Variants in GET3 observed in about 807,000 individuals in gnomAD.
GET3 encodes guided entry of tail-anchored proteins factor 3, ATPase, also known as ATPase GET3.
A neutral mutation model predicts 32.4 loss-of-function variants in GET3; 15 were observed. That is an observed-to-expected ratio of 0.46 (90% CI 0.31 to 0.71). GET3 has a LOEUF of 0.71. Among genes scored for constraint, GET3 ranks in the 30% least tolerant of loss-of-function variants. The pLI, the probability that GET3 is intolerant of heterozygous loss-of-function variation, is 0.05. For synonymous variants in GET3, 198 were observed against 185.6 expected, an observed-to-expected ratio of 1.07 and a Z score of -0.54; for missense variants, 333 against 459.0, an observed-to-expected ratio of 0.73 and a Z score of 2.51.
In GET3 at chr19:12,745,087, G is replaced by C. The variant is rs1040804670; in HGVS notation, c.310-290G>C. ...GTTGCAAGTGGCAGGTTGCAAGTGG[G>C]GAGTAGCAGTGTAAATGGCCCGCAG... On this transcript the variant is annotated intron_variant, in intron 2 of 6. Coordinates refer to ENST00000357332, the MANE Select transcript of GET3 (RefSeq NM_004317.4). The surrounding 1 kb of genome is among the most constrained non-coding windows in gnomAD (Gnocchi z 5.0). Among the ~76,000 whole-genome samples, 6 of 152,090 alleles carry C rather than the reference G, an allele frequency of 3.9e-5. No individual in the cohort carries two copies. The highest frequency in any genetic ancestry group is 8.8e-5 in the Non-Finnish European group (6 of 67,990).
In GET3 at chr19:12,747,761, C is replaced by T. The variant is rs576888443; in HGVS notation, c.915+169C>T. The stretch of plus-strand genomic sequence containing the variant: ...CATAGAGGACTGTGGCTGGCCTGGC[C>T]TAGGTCCCTGTGACCCTGGAGAGCA... On this transcript the variant is annotated intron_variant, in intron 6 of 6. Coordinates refer to ENST00000357332, the MANE Select transcript of GET3 (RefSeq NM_004317.4). The surrounding 1 kb of genome is among the most constrained non-coding windows in gnomAD (Gnocchi z 4.0). 1.3e-5 allele frequency among the ~76,000 whole-genome samples: 2 copies of T among 152,186 alleles called. No individual in the cohort carries two copies. The highest frequency in any genetic ancestry group is 4.8e-5 in the African/African-American group (2 of 41,430).
At chr19:12,744,273 A>C (rs1568349184) in intron 2 of GET3, among the ~76,000 whole-genome samples, 1 of 149,986 alleles carries the variant, frequency 6.7e-6, no homozygotes, top group Non-Finnish European at 1.5e-5. Flanking sequence ...CAGGGACCCC[A>C]GCCATGGCCA....
intron 2 of GET3, among the ~76,000 whole-genome samples, chr19:12,740,964 T>C (rs532118537): frequency 3.3e-5 from 5 of 152,174 alleles, no homozygotes; most frequent in South Asian, 2.1e-4. Flanking sequence ...TAAACACTTA[T>C]TAAGGTAGCA....
chr19:12,745,288 G>T lies in GET3; in HGVS notation c.310-89G>T. ...CAGGCTCCCTCTGGCCCTGTGCCCGGGTAGGAAGGCTCCCCCTGGCCCTGT... is the reference window on the plus strand; with the variant it reads ...CAGGCTCCCTCTGGCCCTGTGCCCGTGTAGGAAGGCTCCCCCTGGCCCTGT... On this transcript the variant is annotated intron_variant, in intron 2 of 6. Coordinates refer to ENST00000357332, the MANE Select transcript of GET3 (RefSeq NM_004317.4). The surrounding 1 kb of genome is among the most constrained non-coding windows in gnomAD (Gnocchi z 5.0). 6.6e-7 allele frequency: 1 copy of T among 1,512,714 alleles called. No homozygotes were observed. Among genetic ancestry groups the T allele is most frequent in the Non-Finnish European group, 8.9e-7 (1 of 1,120,010 alleles). The allele number at this position is 1,512,714 out of a possible 1,614,324, so 93.7% of individuals were successfully genotyped here. A position where few individuals can be genotyped will look rare whatever the true frequency, so the allele number is the denominator to read the frequency against.
At chr19:12,742,705 C>T (rs562317671) in intron 2 of GET3, among the ~76,000 whole-genome samples, 18 of 152,044 alleles carry the variant, frequency 1.2e-4, no homozygotes, top group Non-Finnish European at 4.4e-5. Context: ...TGAGCCACCG[C>T]GCCTGGCCTG....
In GET3 at chr19:12,745,766, G is replaced by T. The variant is rs199842702; in HGVS notation, c.609+7G>T. The T allele has an allele frequency of 6.3e-7, 1 of 1,599,740 alleles. No individual in the cohort carries two copies. Among genetic ancestry groups the T allele is most frequent in the Non-Finnish European group, 8.5e-7 (1 of 1,173,918 alleles). On this transcript the variant is annotated splice_region_variant and intron_variant, in intron 4 of 6. Coordinates refer to ENST00000357332, the MANE Select transcript of GET3 (RefSeq NM_004317.4). This position sits in a 1 kb window ranked among gnomAD's most constrained non-coding sequence, Gnocchi z 5.0. ...CAGCCCTTTCATCTCACAGGCAGGC[G>T]GCGGGGGCCCCCACCTGCACCATCC... is the stretch of plus-strand genomic sequence containing the variant.
chr19:12,744,705 ACCCCTG>A (rs893799656), intron 2 of GET3, among the ~76,000 whole-genome samples: 2 of 152,098 alleles, frequency 1.3e-5, no homozygotes, highest in African/African-American at 4.8e-5. Flanking sequence ...AGATGGTAAA[ACCCCTG>A]CCCCTGAGGG....
upstream of GET3, chr19:12,737,405 A>G (rs879845680): frequency 7.4e-7 from 1 of 1,352,784 alleles, no homozygotes; most frequent in South Asian, 1.8e-5. Context: ...TAATGAGGAA[A>G]TTAACTCATG....
intron 1 of GET3, 28 bp downstream of exon 1, chr19:12,737,694 G>T: frequency 6.3e-7 from 1 of 1,599,878 alleles, no homozygotes; most frequent in Non-Finnish European, 8.5e-7. Flanking sequence ...GGGGCCAGGA[G>T]GCGTGTAGGA....
chr19:12,739,170 G>GTT (rs778735265), intron 2 of GET3, among the ~76,000 whole-genome samples: 9 of 142,978 alleles, frequency 6.3e-5, no homozygotes, highest in Admixed American at 1.4e-4. Flanking sequence ...CAGACTTGAG[G>GTT]TTTTTTTTTT....
At position 12,747,897 on chromosome 19, in the gene GET3, G is replaced by A. The variant is rs541759318; in HGVS notation, c.916-76G>A. On this transcript the variant is annotated intron_variant, in intron 6 of 6. Coordinates refer to ENST00000357332, the MANE Select transcript of GET3 (RefSeq NM_004317.4). This position sits in a 1 kb window ranked among gnomAD's most constrained non-coding sequence, Gnocchi z 4.0. ...ACTCTGGAAGCTTTCTAGCTTTACCGCTTCTATTGATCCACACTCTGTCTC... is the reference window on the plus strand; with the variant it reads ...ACTCTGGAAGCTTTCTAGCTTTACCACTTCTATTGATCCACACTCTGTCTC... 87 of 1,443,676 alleles carry A rather than the reference G, an allele frequency of 6.0e-5. No individual in the cohort carries two copies. Among genetic ancestry groups the A allele is most frequent in the East Asian group, 6.0e-4 (26 of 43,544 alleles). The allele number at this position is 1,443,676 out of a possible 1,614,324, so 89.4% of individuals were successfully genotyped here.
chr19:12,747,844 T>G lies in GET3; in HGVS notation c.916-129T>G. ...GATGCAGCTCCCACTTATGACACCT[T>G]AAGCTCCTGCCCTATATTCTCTCCC... On this transcript the variant is annotated intron_variant, in intron 6 of 6. Transcript: ENST00000357332. The surrounding 1 kb of genome is among the most constrained non-coding windows in gnomAD (Gnocchi z 4.0). The G allele has an allele frequency of 9.1e-7, 1 of 1,093,110 alleles. No individual in the cohort carries two copies. Among genetic ancestry groups the G allele is most frequent in the Non-Finnish European group, 1.3e-6 (1 of 756,222 alleles). The allele number at this position is 1,093,110 out of a possible 1,614,324, so 67.7% of individuals were successfully genotyped here.
intron 1 of GET3, 22 bp downstream of exon 1, chr19:12,737,688 C>T: frequency 6.3e-7 from 1 of 1,598,710 alleles, no homozygotes; most frequent in African/African-American, 1.3e-5. Flanking sequence ...GCGGCGGGGG[C>T]CAGGAGGCGT....
intron 4 of GET3, among the ~76,000 whole-genome samples, chr19:12,746,945 G>T (rs1205820609): frequency 6.6e-6 from 1 of 151,704 alleles, no homozygotes; most frequent in African/African-American, 2.4e-5. Flanking sequence ...AGGAGGCGGC[G>T]GTTGCAGTGA....
At chr19:12,742,334 C>T (rs959168046) in intron 2 of GET3, among the ~76,000 whole-genome samples, 2 of 150,558 alleles carry the variant, frequency 1.3e-5, no homozygotes, top group African/African-American at 4.9e-5. Context: ...TGAGTTTAAG[C>T]GATTCTCCTG....
At chr19:12,741,575 A>G (rs1325336879) in intron 2 of GET3, among the ~76,000 whole-genome samples, 2 of 151,942 alleles carry the variant, frequency 1.3e-5, no homozygotes, top group East Asian at 3.9e-4. Context: ...CCTGACCAAT[A>G]TGGTGAAACC....
At chr19:12,737,748 C>T (rs1967600700) in intron 1 of GET3, 82 bp downstream of exon 1, 5 of 1,490,970 alleles carry the variant, frequency 3.4e-6, no homozygotes, top group Non-Finnish European at 3.5e-6. Context: ...GCTTTTCCAC[C>T]ACGACCGGGG....
intron 2 of GET3, among the ~76,000 whole-genome samples, chr19:12,744,350 C>T (rs895656543): frequency 6.6e-6 from 1 of 151,954 alleles, no homozygotes; most frequent in Non-Finnish European, 1.5e-5. Flanking sequence ...GACAGAGTCT[C>T]CCTCTGTCAC....
At chr19:12,744,286 C>A (rs373585113) in intron 2 of GET3, among the ~76,000 whole-genome samples, 28 of 151,102 alleles carry the variant, frequency 1.9e-4, no homozygotes, top group African/African-American at 6.8e-4. Context: ...CATGGCCATC[C>A]CTTCATAGAT....
Sources: gnomAD v4.1 joint callset for allele counts (sites outside exome capture counted in the v4.1 genomes callset) on GRCh38, gnomAD v4.1.1 for gene constraint, Gnocchi (gnomAD v3.1) non-coding constraint, MANE v1.5 for transcripts, NCBI Gene and HGNC (gene_info 2026-07-23, HGNC 2026-07-21) for gene names.